The following CPNE4 variants were observed in gnomAD, a reference collection of about 807,000 sequenced individuals.
The protein encoded by CPNE4 is copine-4.
Under a neutral mutation model 67.9 loss-of-function variants are expected in CPNE4, and 25 were observed. The observed-to-expected ratio is 0.37, with a 90% confidence interval of 0.27 to 0.51. CPNE4 has a LOEUF of 0.51. Among genes scored for constraint, CPNE4 ranks in the 20% least tolerant of loss-of-function variants. The pLI is 0.93. For missense variants in CPNE4, 464 were observed against 690.8 expected, an observed-to-expected ratio of 0.67 and a Z score of 3.68; for synonymous variants, 242 against 244.9, an observed-to-expected ratio of 0.99 and a Z score of 0.11.
intron 7 of CPNE4, among the ~76,000 whole-genome samples, chr3:131,620,680 C>A (rs1582904767): frequency 6.6e-6 from 1 of 152,076 alleles, no homozygotes; most frequent in African/African-American, 2.4e-5. Flanking sequence ...TAATAGAGGG[C>A]AGGTGAGTAA....
At chr3:131,622,086 G>A (rs1940509273) in intron 7 of CPNE4, among the ~76,000 whole-genome samples, 1 of 150,710 alleles carries the variant, frequency 6.6e-6, no homozygotes, top group African/African-American at 2.4e-5. Flanking sequence ...ACATTCCAAT[G>A]TGTCTTTCCC....
At chr3:131,916,406 AGAC>A (rs1399962925) in intron 1 of CPNE4, among the ~76,000 whole-genome samples, 1 of 151,834 alleles carries the variant, frequency 6.6e-6, no homozygotes, top group African/African-American at 2.4e-5. Flanking sequence ...GAGAAACGAC[AGAC>A]AACATATGAA....
chr3:131,883,893 C>T (rs542791940), intron 2 of CPNE4, among the ~76,000 whole-genome samples: 27 of 152,294 alleles, frequency 1.8e-4, no homozygotes, highest in African/African-American at 6.5e-4. Flanking sequence ...TGGCCTTTGC[C>T]CTTTATTCTG....
chr3:132,004,190 A>G (rs1159022861), intron 1 of CPNE4, among the ~76,000 whole-genome samples: 1 of 152,124 alleles, frequency 6.6e-6, no homozygotes, highest in African/African-American at 2.4e-5. Flanking sequence ...AAAAATAGAT[A>G]CTTTAAAAAA....
intron 1 of CPNE4, among the ~76,000 whole-genome samples, chr3:132,019,369 A>T (rs2073947207): frequency 6.6e-6 from 1 of 152,186 alleles, no homozygotes; most frequent in South Asian, 2.1e-4. Context: ...ATCTAAGCCC[A>T]CCTTGGTGAG....
At chr3:131,658,928 G>A (rs969514338) in intron 7 of CPNE4, among the ~76,000 whole-genome samples, 2 of 152,158 alleles carry the variant, frequency 1.3e-5, no homozygotes, top group East Asian at 3.9e-4. Context: ...ATGTGGGAGA[G>A]AAGCTGGATG....
chr3:131,864,282 T>C (rs982224974), intron 2 of CPNE4, among the ~76,000 whole-genome samples: 25 of 151,864 alleles, frequency 1.6e-4, no homozygotes, highest in African/African-American at 5.8e-4. Flanking sequence ...ATTGAATCTA[T>C]AAATTACCTT....
chr3:132,012,932 A>G (rs1333356833), intron 1 of CPNE4, among the ~76,000 whole-genome samples: 1 of 152,214 alleles, frequency 6.6e-6, no homozygotes, highest in Non-Finnish European at 1.5e-5. Context: ...TTAAGAATTC[A>G]TGTATCTTGG....
At chr3:131,939,495 G>A (rs191593710) in intron 1 of CPNE4, among the ~76,000 whole-genome samples, 1 of 150,770 alleles carries the variant, frequency 6.6e-6, no homozygotes, top group East Asian at 2.0e-4. Flanking sequence ...TATATTCCGG[G>A]AAGTTGGAAG....
intron 1 of CPNE4, among the ~76,000 whole-genome samples, chr3:131,983,825 G>GACA (rs751697635): frequency 7.9e-5 from 12 of 152,294 alleles, no homozygotes; most frequent in South Asian, 2.1e-4. Context: ...ATCCATCGAA[G>GACA]ACAACAGCTG....
In CPNE4 at chr3:131,749,093, C is replaced by G. The variant is rs149037914; in HGVS notation, c.181-25468G>C. On this transcript the variant is annotated intron_variant, in intron 2 of 15. Coordinates refer to ENST00000429747, the MANE Select transcript of CPNE4 (RefSeq NM_130808.3). Reference sequence around the variant, plus strand: ...TGCATTCATGTATTAGAAGCGCACTCAGCACTTCTTTAACTGCATGCCACA... The same window carrying G: ...TGCATTCATGTATTAGAAGCGCACTGAGCACTTCTTTAACTGCATGCCACA... Among the ~76,000 whole-genome samples the G allele has an allele frequency of 9.8e-3, 1,497 of 152,206 alleles. 19 individuals are homozygous for G. Among genetic ancestry groups the G allele is most frequent in the African/African-American group, 0.034 (1,419 of 41,536 alleles).
chr3:131,871,206 T>C (rs2087185341), intron 2 of CPNE4, among the ~76,000 whole-genome samples: 2 of 152,188 alleles, frequency 1.3e-5, no homozygotes, highest in African/African-American at 4.8e-5. Context: ...TCCAAGCTGA[T>C]GGTGGCCAAC....
At chr3:131,886,892 A>G (rs1192236466) in intron 2 of CPNE4, among the ~76,000 whole-genome samples, 2 of 152,226 alleles carry the variant, frequency 1.3e-5, no homozygotes, top group African/African-American at 4.8e-5. Flanking sequence ...TTGATTTTAC[A>G]GGCTCATAGA....
chr3:131,861,592 G>A (rs1338904164), intron 2 of CPNE4, among the ~76,000 whole-genome samples: 1 of 151,900 alleles, frequency 6.6e-6, no homozygotes, highest in Non-Finnish European at 1.5e-5. Context: ...CACCATGCTC[G>A]GCTAATTTTT....
rs140208109 is a variant in CPNE4 at position 131,575,256 on chromosome 3, A to C, written c.868-126T>G. ...AGGAAAGGGCAGACAGACATCATTG[A>C]AAAAAGATGGGTCAGTTAAGTTTGT... On this transcript the variant is annotated intron_variant, in intron 9 of 15. Transcript: ENST00000429747. 3.7e-4 allele frequency: 273 copies of C among 743,756 alleles called. No homozygotes were observed. In the African/African-American group the frequency reaches 4.1e-3, roughly 11 times the overall value. The allele number at this position is 743,756 out of a possible 1,614,324, so 46.1% of individuals were successfully genotyped here. A position where few individuals can be genotyped will look rare whatever the true frequency, so the allele number is the denominator to read the frequency against.
intron 9 of CPNE4, among the ~76,000 whole-genome samples, chr3:131,581,329 A>G (rs983010681): frequency 4.8e-4 from 73 of 152,252 alleles, no homozygotes; most frequent in African/African-American, 1.6e-3. Context: ...ATCCTAACCT[A>G]TCAGCGGAAC....
intron 3 of CPNE4, among the ~76,000 whole-genome samples, chr3:131,703,706 A>G (rs551158259): frequency 1.3e-4 from 19 of 151,666 alleles, no homozygotes; most frequent in Non-Finnish European, 2.2e-4. Flanking sequence ...GGCTGTTTTT[A>G]TTGAAAATAT....
At chr3:131,651,773 T>A (rs9821721) in intron 7 of CPNE4, among the ~76,000 whole-genome samples, 58,508 of 152,076 alleles carry the variant, frequency 0.38, 14,170 homozygotes, top group Non-Finnish European at 0.56. Flanking sequence ...CACAATACTG[T>A]CTTAATGCTC....
intron 15 of CPNE4, 99 bp from the exon 16 acceptor site, chr3:131,535,428 T>A (rs533532161): frequency 1.3e-5 from 16 of 1,198,026 alleles, no homozygotes; most frequent in Non-Finnish European, 1.8e-5. Context: ...TAAGTTTCAT[T>A]CACTTTCATT....
Sources: allele counts gnomAD v4.1 joint callset (sites outside exome capture counted in the v4.1 genomes callset), GRCh38; gene constraint gnomAD v4.1.1; transcripts MANE v1.5; gene names NCBI Gene and HGNC (gene_info 2026-07-23, HGNC 2026-07-21).